USP54: variants seen among roughly 807,000 people sequenced by gnomAD.
USP54 encodes ubiquitin carboxyl-terminal hydrolase 54.
USP54 carries 87 observed loss-of-function variants against 170.5 expected under a neutral mutation model. That is an observed-to-expected ratio of 0.51 (90% confidence interval 0.43 to 0.61). The LOEUF is 0.61. Among genes scored for constraint, USP54 ranks in the 20% least tolerant of loss-of-function variants. The pLI, the probability that USP54 is intolerant of heterozygous loss-of-function variation, is 0.00. For missense variants in USP54, 1,786 were observed against 2,047.8 expected, an observed-to-expected ratio of 0.87 and a Z score of 2.47; for synonymous variants, 655 against 742.8, an observed-to-expected ratio of 0.88 and a Z score of 1.92.
At chr10:73,527,005 T>G (rs1187533140) in intron 15 of USP54, among the ~76,000 whole-genome samples, 1 of 152,220 alleles carries the variant, frequency 6.6e-6, no homozygotes, top group Non-Finnish European at 1.5e-5. Context: ...TAATACATAT[T>G]CAAAATCTGT....
At chr10:73,547,313 A>G (rs1004443067) in intron 4 of USP54, among the ~76,000 whole-genome samples, 3 of 152,138 alleles carry the variant, frequency 2.0e-5, no homozygotes, top group Non-Finnish European at 4.4e-5. Flanking sequence ...AGGCAAGAGA[A>G]TCACTTGAAC....
At chr10:73,548,936 T>C (rs916188327) in intron 4 of USP54, among the ~76,000 whole-genome samples, 30 of 152,212 alleles carry the variant, frequency 2.0e-4, no homozygotes, top group African/African-American at 6.8e-4. Context: ...GACATATTAC[T>C]AACAAGACCA....
In USP54 at chr10:73,523,696, C is replaced by G; in HGVS notation, c.2249G>C (p.Arg750Thr). Residue 750 changes from arginine to threonine, a missense_variant, in exon 17 of 24, where the codon AGG becomes ACG. By Grantham distance (71) the Arg-to-Thr change is moderately conservative. Coordinates refer to ENST00000687698, the MANE Select transcript of USP54 (RefSeq NM_001391956.1). ...ELDELQEEVA[R>T]RAQEQELRRK... ...TCGAAGTTCCTGTTCCTGCGCCCTC[C>G]TGGCCACCTCTTCCTGCAATTCATC... 6.2e-7 allele frequency: 1 copy of G among 1,613,904 alleles called. No homozygotes were observed. Among genetic ancestry groups the G allele is most frequent in the Non-Finnish European group, 8.5e-7 (1 of 1,179,930 alleles).
Position 73,530,342 on chromosome 10 carries a change from T to C in USP54, c.1629A>G (p.Lys543=), listed in dbSNP as rs557300029. The C allele has an allele frequency of 6.2e-7, 1 of 1,613,826 alleles. No individual in the cohort carries two copies. Among genetic ancestry groups the C allele is most frequent in the Admixed American group, 1.7e-5 (1 of 59,982 alleles). The change falls in exon 14 of 24, where the codon AAA becomes AAG. Residue 543 remains lysine, a synonymous_variant. Transcript: ENST00000687698. ...AGTGTAAAGGCAGGGTCCTAGGAGG[T>C]TTTTTGTCAGGCTGGTCTCCTCCTC... The part of the protein sequence containing the change: ...RGRGGDQPDK[K]PPRTLPLHSR...
intron 19 of USP54, chr10:73,518,254 T>G: frequency 1.0e-6 from 1 of 985,208 alleles, no homozygotes; most frequent in Non-Finnish European, 1.2e-6. Flanking sequence ...TACAGGGTGA[T>G]TTGGGCTCAT....
At chr10:73,563,638 T>C (rs1315469203) in intron 4 of USP54, among the ~76,000 whole-genome samples, 1 of 152,088 alleles carries the variant, frequency 6.6e-6, no homozygotes, top group African/African-American at 2.4e-5. Flanking sequence ...GGTTTCTCTA[T>C]GTTGGTCAGG....
Position 73,619,201 on chromosome 10 carries a change from C to A in USP54, c.-18+6366G>T, listed in dbSNP as rs1002567400. ...AAGACTTGTCTCAAAAAAAGCAAAA[C>A]AAAACAAACAACAAAACTGCATGTA... On this transcript the variant is annotated intron_variant, in intron 1 of 22. Coordinates refer to the USP54 transcript ENST00000339859. 5.3e-5 allele frequency among the ~76,000 whole-genome samples: 8 copies of A among 150,294 alleles called. 1 individual carries two copies. Among genetic ancestry groups the A allele is most frequent in the African/African-American group, 2.0e-4 (8 of 39,824 alleles).
intron 16 of USP54, among the ~76,000 whole-genome samples, chr10:73,525,446 T>C (rs1180460480): frequency 6.6e-6 from 1 of 152,196 alleles, no homozygotes; most frequent in African/African-American, 2.4e-5. Context: ...TAATTATCTT[T>C]TACCAGTTGA....
chr10:73,582,692 G>A (rs1037069807), intron 1 of USP54, among the ~76,000 whole-genome samples: 1 of 152,116 alleles, frequency 6.6e-6, no homozygotes, highest in Admixed American at 6.5e-5. Flanking sequence ...GAACCACTGC[G>A]CCCATCCAAG....
At chr10:73,561,397 G>C (rs1172954282) in intron 4 of USP54, among the ~76,000 whole-genome samples, 1 of 152,130 alleles carries the variant, frequency 6.6e-6, no homozygotes, top group Non-Finnish European at 1.5e-5. Flanking sequence ...GGCCAAGGCA[G>C]GAGGATCACT....
At chr10:73,624,388 C>CGGGG (rs766493174) in intron 1 of USP54, 16 of 87,710 alleles carry the variant, frequency 1.8e-4, no homozygotes, top group East Asian at 1.7e-3. Context: ...TTAGTAGAGA[C>CGGGG]GGGGGGGGGG....
intron 23 of USP54, among the ~76,000 whole-genome samples, chr10:73,500,272 G>A (rs149160299): frequency 1.3e-5 from 2 of 152,308 alleles, no homozygotes; most frequent in African/African-American, 4.8e-5. Context: ...CCTCAGCTGA[G>A]ACTCAGAGGA....
At chr10:73,602,414 G>A (rs533567594) in intron 1 of USP54, among the ~76,000 whole-genome samples, 10 of 152,098 alleles carry the variant, frequency 6.6e-5, no homozygotes, top group South Asian at 2.1e-4. Flanking sequence ...TTAGCCGGGC[G>A]TGGTGGCGGG....
chr10:73,536,547 A>C (rs2065247209), intron 10 of USP54, 110 bp from the exon 11 acceptor site: 1 of 1,282,110 alleles, frequency 7.8e-7, no homozygotes, highest in African/African-American at 1.5e-5. Flanking sequence ...TGAAAAGATA[A>C]GAATTGGGTA....
chr10:73,579,226 C>A (rs2076545569), intron 1 of USP54, among the ~76,000 whole-genome samples: 1 of 152,034 alleles, frequency 6.6e-6, no homozygotes. Flanking sequence ...GCTGGGATTA[C>A]AGGTGTGAGC....
intron 4 of USP54, among the ~76,000 whole-genome samples, chr10:73,566,226 G>A (rs547905109): frequency 6.6e-6 from 1 of 151,458 alleles, no homozygotes; most frequent in African/African-American, 2.4e-5. Context: ...GTGAAACTCC[G>A]TCTCAAAAAA....
Position 73,516,988 on chromosome 10 carries a change from A to G in USP54, c.3438T>C (p.Asp1146=). Residue 1146 remains aspartate (D), a synonymous_variant, in exon 20 of 24, where the codon GAT becomes GAC. Transcript: ENST00000687698. ...AACTTCTATCCTTGAAACCTGTACT[A>G]TCCCTCATGGAGACACCCTGCATCC... ...FQRMQGVSMR[D]STGFKDRSLS... 6.2e-7 allele frequency: 1 copy of G among 1,614,132 alleles called. No homozygotes were observed. The highest frequency in any genetic ancestry group is 8.5e-7 in the Non-Finnish European group (1 of 1,180,016).
At chr10:73,525,739 G>A (rs2062731337) in intron 16 of USP54, among the ~76,000 whole-genome samples, 1 of 152,208 alleles carries the variant, frequency 6.6e-6, no homozygotes, top group African/African-American at 2.4e-5. Flanking sequence ...AGAGATATCT[G>A]CCTCTATAGG....
chr10:73,550,870 G>A (rs1393669469), intron 4 of USP54, among the ~76,000 whole-genome samples: 2 of 152,154 alleles, frequency 1.3e-5, no homozygotes, highest in Non-Finnish European at 2.9e-5. Context: ...ACTTTGGGAG[G>A]CCGAGGTGGG....
Sources: allele counts gnomAD v4.1 joint callset (sites outside exome capture counted in the v4.1 genomes callset), GRCh38; gene constraint gnomAD v4.1.1; transcripts MANE v1.5; gene names NCBI Gene and HGNC (gene_info 2026-07-23, HGNC 2026-07-21).